MAN2A1: variants seen among roughly 807,000 people sequenced by gnomAD.
MAN2A1 encodes alpha-mannosidase 2.
A neutral mutation model predicts 142.6 loss-of-function variants in MAN2A1; 76 were observed. The ratio of observed to expected loss-of-function variants is 0.53; its 90% CI spans 0.44 to 0.65. The LOEUF is 0.65. MAN2A1 is among the 30% of genes least tolerant of loss of function. The probability of loss-of-function intolerance (pLI) is 0.00; values close to 1 mark genes in which losing one functional copy is unlikely to be tolerated. For missense variants in MAN2A1, 1,311 were observed against 1,365.1 expected, an observed-to-expected ratio of 0.96 and a Z score of 0.62; for synonymous variants, 559 against 473.2, an observed-to-expected ratio of 1.18 and a Z score of -2.35.
chr5:109,835,280 G>C (rs996296812), intron 16 of MAN2A1, among the ~76,000 whole-genome samples: 2 of 152,126 alleles, frequency 1.3e-5, no homozygotes, highest in African/African-American at 4.8e-5. Context: ...TTTTCTGATA[G>C]CTATTATTAT....
chr5:109,697,123 C>G (rs2300989), intron 1 of MAN2A1, among the ~76,000 whole-genome samples: 56,353 of 152,030 alleles, frequency 0.37, 11,135 homozygotes, highest in African/African-American at 0.52. Context: ...ATTTATTCCT[C>G]TTAGCATAGG....
At chr5:109,693,034 G>C (rs1037836075) in intron 1 of MAN2A1, among the ~76,000 whole-genome samples, 1 of 152,136 alleles carries the variant, frequency 6.6e-6, no homozygotes, top group African/African-American at 2.4e-5. Context: ...GTGTGGCCTG[G>C]TTCCTAACAG....
intron 1 of MAN2A1, among the ~76,000 whole-genome samples, chr5:109,707,556 A>G (rs1751169791): frequency 6.6e-6 from 1 of 152,194 alleles, no homozygotes; most frequent in Admixed American, 6.5e-5. Context: ...GATAATTGTA[A>G]TAACACTGTG....
At chr5:109,772,868 ATCTTTT>A (rs146845713) in intron 7 of MAN2A1, among the ~76,000 whole-genome samples, 3,124 of 152,248 alleles carry the variant, frequency 0.021, 104 homozygotes, top group African/African-American at 0.071. Context: ...TACAGATGGC[ATCTTTT>A]GATATGTCCA....
At chr5:109,792,363 G>C (rs1753757995) in intron 12 of MAN2A1, among the ~76,000 whole-genome samples, 1 of 151,260 alleles carries the variant, frequency 6.6e-6, no homozygotes, top group Non-Finnish European at 1.5e-5. Flanking sequence ...GTTACTTTTT[G>C]GTTCTAAGCC....
At chr5:109,736,381 G>A (rs1405235202) in intron 4 of MAN2A1, among the ~76,000 whole-genome samples, 2 of 152,114 alleles carry the variant, frequency 1.3e-5, no homozygotes, top group Non-Finnish European at 2.9e-5. Flanking sequence ...GTCAAGTGCA[G>A]TGGCTAATGG....
chr5:109,749,372 A>T (rs1035820851), intron 4 of MAN2A1, among the ~76,000 whole-genome samples: 19 of 152,184 alleles, frequency 1.2e-4, no homozygotes, highest in Admixed American at 1.1e-3. Flanking sequence ...AGATATGCTC[A>T]GCTTAGTTTT....
At chr5:109,700,652 A>C (rs1377834445) in intron 1 of MAN2A1, among the ~76,000 whole-genome samples, 1 of 152,184 alleles carries the variant, frequency 6.6e-6, no homozygotes, top group African/African-American at 2.4e-5. Flanking sequence ...AAAGTCATGA[A>C]AAATTCAGGC....
chr5:109,737,815 GA>G (rs1752148755), intron 4 of MAN2A1, among the ~76,000 whole-genome samples: 1 of 152,138 alleles, frequency 6.6e-6, no homozygotes, highest in Admixed American at 6.5e-5. Context: ...AGTTTACCTT[GA>G]AAAAGGCCTA....
chr5:109,821,996 G>A (rs1000785138), intron 15 of MAN2A1, among the ~76,000 whole-genome samples: 11 of 151,372 alleles, frequency 7.3e-5, no homozygotes, highest in Admixed American at 5.9e-4. Flanking sequence ...CCTAATTATT[G>A]TCTTGTTAGC....
chr5:109,753,865 G>A (rs1423725137), intron 4 of MAN2A1, among the ~76,000 whole-genome samples: 3 of 151,268 alleles, frequency 2.0e-5, no homozygotes, highest in South Asian at 2.1e-4. Context: ...TGGCAAGTCT[G>A]TGGCACTTAA....
At chr5:109,734,001 T>G (rs1010761075) in intron 4 of MAN2A1, among the ~76,000 whole-genome samples, 1 of 152,160 alleles carries the variant, frequency 6.6e-6, no homozygotes, top group African/African-American at 2.4e-5. Context: ...CTGGACTCTT[T>G]TTGGTTGGTA....
At position 109,867,679 on chromosome 5, in the gene MAN2A1, T is replaced by G. The variant is rs576190211; in HGVS notation, c.*681T>G. On this transcript the variant is annotated 3_prime_UTR_variant, in exon 22 of 22. Transcript: ENST00000261483. ...TCATTACTTGACAATGTGGGATGGGTGCAATTTATTCCATCTTCACTAAAA... is the reference window on the plus strand; with the variant it reads ...TCATTACTTGACAATGTGGGATGGGGGCAATTTATTCCATCTTCACTAAAA... 6.5e-6 allele frequency: 1 copy of G among 152,678 alleles called. No individual in the cohort carries two copies. The highest frequency in any genetic ancestry group is 2.1e-4 in the South Asian group (1 of 4,820). The allele number at this position is 152,678 out of a possible 1,614,324, so 9.5% of individuals were successfully genotyped here.
intron 3 of MAN2A1, 55 bp downstream of exon 3, chr5:109,716,319 G>A: frequency 6.9e-7 from 1 of 1,451,662 alleles, no homozygotes; most frequent in Non-Finnish European, 9.3e-7. Context: ...TAGGCCTAGA[G>A]TCTTTTAATG....
intron 5 of MAN2A1, among the ~76,000 whole-genome samples, chr5:109,759,268 G>C (rs1458975039): frequency 6.6e-6 from 1 of 151,982 alleles, no homozygotes; most frequent in South Asian, 2.1e-4. Flanking sequence ...CAGTGTAAAA[G>C]TCCTGTACTT....
intron 1 of MAN2A1, among the ~76,000 whole-genome samples, chr5:109,713,234 T>C (rs562653780): frequency 6.6e-6 from 1 of 152,292 alleles, no homozygotes; most frequent in African/African-American, 2.4e-5. Flanking sequence ...AGGACTGAGT[T>C]TGGGGGGAAC....
intron 20 of MAN2A1, among the ~76,000 whole-genome samples, chr5:109,856,685 T>C (rs1755612315): frequency 6.6e-6 from 1 of 152,234 alleles, no homozygotes; most frequent in Admixed American, 6.5e-5. Context: ...AGAAGTATTT[T>C]GGTTTCCTTC....
chr5:109,811,794 A>T (rs1426915255), intron 12 of MAN2A1, among the ~76,000 whole-genome samples: 1 of 152,140 alleles, frequency 6.6e-6, no homozygotes, highest in African/African-American at 2.4e-5. Context: ...TACACATACC[A>T]TACAGCATCT....
At chr5:109,755,728 TTGA>T (rs35780808) in intron 5 of MAN2A1, among the ~76,000 whole-genome samples, 12,849 of 152,088 alleles carry the variant, frequency 0.084, 646 homozygotes, top group African/African-American at 0.15. Context: ...ATGTTAAGAC[TTGA>T]TGACAAGAGG....
Sources: allele counts gnomAD v4.1 joint callset (sites outside exome capture counted in the v4.1 genomes callset), GRCh38; gene constraint gnomAD v4.1.1; transcripts MANE v1.5; gene names NCBI Gene and HGNC (gene_info 2026-07-23, HGNC 2026-07-21).